Variants in MEIS2 observed in about 807,000 individuals in gnomAD.
MEIS2 encodes the protein homeobox protein Meis2.
Under a neutral mutation model 58.6 loss-of-function variants are expected in MEIS2, and 9 were observed. The observed-to-expected ratio is 0.15, with a 90% CI of 0.09 to 0.27. The LOEUF (loss-of-function observed/expected upper bound fraction) is 0.27. Among genes scored for constraint, MEIS2 ranks in the 10% least tolerant of loss-of-function variants. MEIS2 has a pLI of 1.00. For synonymous variants in MEIS2, 221 were observed against 228.4 expected, an observed-to-expected ratio of 0.97 and a Z score of 0.29; for missense variants, 427 against 635.0, an observed-to-expected ratio of 0.67 and a Z score of 3.52.
intron 8 of MEIS2, among the ~76,000 whole-genome samples, chr15:37,017,719 A>G (rs760805551): frequency 3.3e-5 from 5 of 152,146 alleles, no homozygotes; most frequent in South Asian, 4.1e-4. Context: ...GGAGGACAGG[A>G]TGCACTCTCA....
intron 8 of MEIS2, among the ~76,000 whole-genome samples, chr15:36,980,036 T>C (rs1019480395): frequency 5.9e-5 from 9 of 151,962 alleles, no homozygotes; most frequent in African/African-American, 1.9e-4. Flanking sequence ...AAGATATGCC[T>C]TACTAAGTTT....
At chr15:36,937,200 A>G (rs1369544945) in intron 9 of MEIS2, among the ~76,000 whole-genome samples, 1 of 152,182 alleles carries the variant, frequency 6.6e-6, no homozygotes. Flanking sequence ...CAGATTCTCA[A>G]ATTTGTCCCT....
At chr15:36,941,917 T>C (rs1245752981) in intron 9 of MEIS2, among the ~76,000 whole-genome samples, 1 of 152,140 alleles carries the variant, frequency 6.6e-6, no homozygotes, top group Admixed American at 6.6e-5. Flanking sequence ...CCTTGAGTAA[T>C]TACTGCTAAA....
intron 8 of MEIS2, among the ~76,000 whole-genome samples, chr15:36,964,036 A>T (rs1336470947): frequency 1.3e-5 from 2 of 152,244 alleles, no homozygotes; most frequent in African/African-American, 4.8e-5. Flanking sequence ...ACTGAAGTAA[A>T]TGCAAATTGA....
At chr15:37,081,468 C>T (rs1378517616) in intron 7 of MEIS2, among the ~76,000 whole-genome samples, 2 of 152,090 alleles carry the variant, frequency 1.3e-5, no homozygotes, top group South Asian at 2.1e-4. Flanking sequence ...CTGGACAATT[C>T]GGTGGGACAA....
intron 7 of MEIS2, among the ~76,000 whole-genome samples, chr15:37,075,887 G>T (rs1891338458): frequency 6.6e-6 from 1 of 151,872 alleles, no homozygotes. Context: ...CTCCCTCTAG[G>T]TCTCTTTCAT....
chr15:36,939,553 T>C (rs1057353149), intron 9 of MEIS2, among the ~76,000 whole-genome samples: 19 of 152,276 alleles, frequency 1.2e-4, no homozygotes, highest in African/African-American at 4.3e-4. Flanking sequence ...CTTATTTTTT[T>C]TTTTTAATTT....
chr15:36,990,147 A>G (rs370267519), intron 8 of MEIS2, among the ~76,000 whole-genome samples: 364 of 152,146 alleles, frequency 2.4e-3, no homozygotes, highest in African/African-American at 8.4e-3. Context: ...GGGTTTCACC[A>G]TGTTAGCCAG....
intron 9 of MEIS2, among the ~76,000 whole-genome samples, chr15:36,942,549 G>C (rs1407243754): frequency 6.6e-6 from 1 of 152,090 alleles, no homozygotes; most frequent in Non-Finnish European, 1.5e-5. Flanking sequence ...AGATCACGAG[G>C]TTAATAGGAC....
chr15:37,027,975 A>G (rs949626047), intron 8 of MEIS2, among the ~76,000 whole-genome samples: 6 of 152,148 alleles, frequency 3.9e-5, no homozygotes, highest in African/African-American at 1.4e-4. Context: ...TCCATTAGGG[A>G]TCACTCTTGG....
chr15:36,915,885 A>C (rs548449923), intron 9 of MEIS2, among the ~76,000 whole-genome samples: 2 of 152,234 alleles, frequency 1.3e-5, no homozygotes, highest in Admixed American at 6.5e-5. Flanking sequence ...GGACAGCAAA[A>C]CAAAATATTT....
chr15:37,049,689 C>T (rs998245202), intron 7 of MEIS2, among the ~76,000 whole-genome samples: 1 of 151,466 alleles, frequency 6.6e-6, no homozygotes, highest in Non-Finnish European at 1.5e-5. Flanking sequence ...GGCTTCATCA[C>T]GATGGTCATG....
At chr15:36,949,201 A>G (rs945610721) in intron 9 of MEIS2, among the ~76,000 whole-genome samples, 9 of 64,376 alleles carry the variant, frequency 1.4e-4, no homozygotes, top group Middle Eastern at 8.6e-3. Context: ...CTTCCCTGGG[A>G]AAAAAAAAAA....
intron 8 of MEIS2, among the ~76,000 whole-genome samples, chr15:36,976,379 T>G (rs374529989): frequency 6.6e-6 from 1 of 151,826 alleles, no homozygotes; most frequent in Non-Finnish European, 1.5e-5. Flanking sequence ...CCACCGCGCC[T>G]GGCCTATAAA....
intron 8 of MEIS2, among the ~76,000 whole-genome samples, chr15:37,015,660 C>T (rs1350183618): frequency 6.6e-6 from 1 of 152,064 alleles, no homozygotes; most frequent in Non-Finnish European, 1.5e-5. Flanking sequence ...GGCCTGGATG[C>T]TCTAGGAAAG....
chr15:37,040,076 A>G (rs150891000), intron 7 of MEIS2, among the ~76,000 whole-genome samples: 16 of 145,638 alleles, frequency 1.1e-4, no homozygotes, highest in African/African-American at 3.3e-4. Context: ...AAGGCTGTGT[A>G]TGTGTGTGTG....
intron 9 of MEIS2, among the ~76,000 whole-genome samples, chr15:36,902,538 G>A (rs887565479): frequency 6.6e-5 from 10 of 152,198 alleles, no homozygotes; most frequent in African/African-American, 2.2e-4. Flanking sequence ...TGTTAGAGAT[G>A]CAGAAATACA....
intron 8 of MEIS2, among the ~76,000 whole-genome samples, chr15:36,961,514 A>G (rs2059180814): frequency 6.6e-6 from 1 of 152,290 alleles, no homozygotes; most frequent in East Asian, 1.9e-4. Flanking sequence ...TTGGAAACTT[A>G]CGGACTAAAA....
intron 11 of MEIS2, chr15:36,894,688 G>A (rs959600056): frequency 1.3e-6 from 2 of 1,513,230 alleles, no homozygotes; most frequent in African/African-American, 1.4e-5. Flanking sequence ...AAGTGATAGT[G>A]AAGACAGATC....
Sources: gnomAD v4.1 joint callset for allele counts (sites outside exome capture counted in the v4.1 genomes callset) on GRCh38, gnomAD v4.1.1 for gene constraint, MANE v1.5 for transcripts, NCBI Gene and HGNC (gene_info 2026-07-23, HGNC 2026-07-21) for gene names.